Variants in KAT6B observed in about 807,000 individuals in gnomAD.
The protein encoded by KAT6B is lysine acetyltransferase 6B, also known as histone acetyltransferase KAT6B.
KAT6B carries 10 observed loss-of-function variants against 187.5 expected under a neutral mutation model. That is an observed-to-expected ratio of 0.05 (90% CI 0.03 to 0.09). The LOEUF (loss-of-function observed/expected upper bound fraction) is 0.09, where lower values mean the gene tolerates loss of function less well. Among genes scored for constraint, KAT6B ranks in the 10% least tolerant of loss-of-function variants. The probability of loss-of-function intolerance (pLI) is 1.00; values close to 1 mark genes in which losing one functional copy is unlikely to be tolerated. For missense variants in KAT6B, 1,952 were observed against 2,558.9 expected (o/e 0.76, Z 5.12); for synonymous variants, 861 against 926.8 (o/e 0.93, Z 1.29).
intron 13 of KAT6B, among the ~76,000 whole-genome samples, chr10:74,994,297 C>T (rs1233236403): frequency 6.6e-6 from 1 of 152,146 alleles, no homozygotes; most frequent in African/African-American, 2.4e-5. Context: ...CAAATTGTCC[C>T]AGATTTATTT....
intron 3 of KAT6B, among the ~76,000 whole-genome samples, chr10:74,865,154 AAC>A (rs35975205): frequency 0.22 from 33,728 of 152,088 alleles, 6,395 homozygotes; most frequent in African/African-American, 0.51. Context: ...TAGGTGGCCT[AAC>A]ACAGTGCCTA....
rs542076789 is a variant in KAT6B, at chr10:74,954,614, A to G, written c.622-5356A>G. 4.6e-5 allele frequency among the ~76,000 whole-genome samples: 7 copies of G among 152,316 alleles called. No individual in the cohort carries two copies. In the South Asian group the frequency reaches 1.5e-3, roughly 32 times the overall value. On this transcript the variant is annotated intron_variant, in intron 3 of 17. Transcript: ENST00000287239. ...CCCTTTCACCTGGATGAAGACACCC[A>G]GCGAGTCCACCCCAGTCTTTTAAAG...
intron 13 of KAT6B, among the ~76,000 whole-genome samples, chr10:75,005,784 T>A (rs1447026683): frequency 6.6e-6 from 1 of 152,210 alleles, no homozygotes. Flanking sequence ...AAACCTTTTT[T>A]GTAATTATTT....
upstream of KAT6B, among the ~76,000 whole-genome samples, chr10:74,826,053 C>T (rs1340869707): frequency 6.6e-6 from 1 of 151,958 alleles, no homozygotes; most frequent in East Asian, 2.0e-4. Flanking sequence ...CCCGCGCGCG[C>T]CCGCCCGCGC....
chr10:74,966,021 G>T (rs535969808), intron 4 of KAT6B, among the ~76,000 whole-genome samples: 1 of 151,878 alleles, frequency 6.6e-6, no homozygotes, highest in Non-Finnish European at 1.5e-5. Context: ...GAGGATCCAT[G>T]TTCTTATCCA....
chr10:74,828,933 A>G (rs1212940119), intron 1 of KAT6B, among the ~76,000 whole-genome samples: 1 of 152,044 alleles, frequency 6.6e-6, no homozygotes, highest in Non-Finnish European at 1.5e-5. Context: ...TAAGAAGGAA[A>G]GGATAATGCA....
intron 3 of KAT6B, among the ~76,000 whole-genome samples, chr10:74,859,045 T>C (rs1316315642): frequency 2.0e-5 from 3 of 152,110 alleles, no homozygotes; most frequent in Non-Finnish European, 2.9e-5. Context: ...CCTTTGATGA[T>C]ATTTCAAAGA....
chr10:74,961,179 A>T (rs1841071529), intron 4 of KAT6B, among the ~76,000 whole-genome samples: 1 of 152,178 alleles, frequency 6.6e-6, no homozygotes, highest in South Asian at 2.1e-4. Context: ...GGATAGTGAC[A>T]AAAGGGCATG....
At chr10:74,845,682 G>C (rs1842053150) in intron 3 of KAT6B, among the ~76,000 whole-genome samples, 1 of 151,370 alleles carries the variant, frequency 6.6e-6, no homozygotes. Flanking sequence ...ATTTTTTGTA[G>C]AGATGGGGTT....
intron 3 of KAT6B, among the ~76,000 whole-genome samples, chr10:74,952,330 G>C (rs1840373098): frequency 6.6e-6 from 1 of 151,970 alleles, no homozygotes; most frequent in African/African-American, 2.4e-5. Flanking sequence ...TCTCCATCCT[G>C]GGTGACAAAG....
In KAT6B at chr10:75,030,177, C is replaced by G; in HGVS notation, c.5353C>G (p.Pro1785Ala). 1 of 1,614,238 alleles carries G rather than the reference C, an allele frequency of 6.2e-7. No homozygotes were observed. The highest frequency in any genetic ancestry group is 1.1e-5 in the South Asian group (1 of 91,082). Residue 1785 changes from proline (P) to alanine (A), a missense_variant, in exon 18 of 18, where the codon CCC becomes GCC. Around this residue, in one of 9 missense-constraint regions of KAT6B, gnomAD observed 358 missense variants for 436.3 expected, o/e 0.82. Coordinates refer to ENST00000287239, the MANE Select transcript of KAT6B (RefSeq NM_012330.4). The surrounding 1 kb of genome is among the most constrained non-coding windows in gnomAD (Gnocchi z 4.8). ...FTPPMQLAEIPETSNANIGLY... is the reference protein window; with the variant it reads ...FTPPMQLAEIAETSNANIGLY... ...CCCACCCATGCAGCTGGCTGAAATC[C>G]CCGAGACGAGCAACGCCAACATTGG...
At chr10:74,982,833 A>G (rs1466266108) in intron 11 of KAT6B, 2 of 152,278 alleles carry the variant, frequency 1.3e-5, no homozygotes, top group Non-Finnish European at 2.9e-5. Context: ...TCTCTGGAAT[A>G]TAGTTTCACT....
Position 74,877,931 on chromosome 10 carries a change from GA to G in KAT6B, c.621+34464del, listed in dbSNP as rs111871596. Among the ~76,000 whole-genome samples, 964 of 129,810 alleles carry G rather than the reference GA, an allele frequency of 7.4e-3. 18 individuals carry two copies. Among genetic ancestry groups the G allele is most frequent in the Admixed American group, 0.028 (368 of 13,308 alleles). The allele number at this position is 129,810 out of a possible 152,430, so 85.2% of individuals were successfully genotyped here. ...TAAAGGGAAATACCAGATTGTAAAA[GA>G]AAAAAAAAAAGCATGCTGGTTGTAT... On this transcript the variant is annotated intron_variant, in intron 3 of 17. Coordinates refer to ENST00000287239, the MANE Select transcript of KAT6B (RefSeq NM_012330.4).
chr10:74,890,647 A>T (rs1199015473), intron 3 of KAT6B, among the ~76,000 whole-genome samples: 1 of 152,222 alleles, frequency 6.6e-6, no homozygotes, highest in East Asian at 1.9e-4. Flanking sequence ...AGTAGGAAGT[A>T]AAATAGAAAA....
chr10:74,845,351 C>G (rs898052260), intron 3 of KAT6B, among the ~76,000 whole-genome samples: 2 of 151,540 alleles, frequency 1.3e-5, no homozygotes, highest in Non-Finnish European at 2.9e-5. Context: ...GAAACCCCAT[C>G]TCTACTAAAT....
At chr10:75,022,517 G>A (rs1845507507) in intron 16 of KAT6B, among the ~76,000 whole-genome samples, 1 of 152,098 alleles carries the variant, frequency 6.6e-6, no homozygotes, top group Admixed American at 6.5e-5. Context: ...TGAGGTTTAT[G>A]GGAACAAAAA....
chr10:74,959,493 A>G (rs555344559), intron 3 of KAT6B, among the ~76,000 whole-genome samples: 2 of 152,212 alleles, frequency 1.3e-5, no homozygotes, highest in Non-Finnish European at 2.9e-5. Context: ...TTATACTGAA[A>G]TGTATTCAGG....
intron 4 of KAT6B, 147 bp downstream of exon 4, chr10:74,960,225 A>G: frequency 4.3e-6 from 3 of 699,822 alleles, no homozygotes; most frequent in Non-Finnish European, 7.8e-6. Context: ...AAAAGTAAGG[A>G]ATAGAGAAAA....
chr10:74,844,665 C>G (rs1841974694), intron 3 of KAT6B, among the ~76,000 whole-genome samples: 2 of 152,144 alleles, frequency 1.3e-5, no homozygotes, highest in Admixed American at 6.5e-5. Flanking sequence ...TATGTTATTT[C>G]TATAGTATTT....
Sources: gnomAD v4.1 joint callset for allele counts (sites outside exome capture counted in the v4.1 genomes callset) on GRCh38, gnomAD v4.1.1 for gene constraint, gnomAD v4.1.1 regional missense constraint, Gnocchi (gnomAD v3.1) non-coding constraint, MANE v1.5 for transcripts, NCBI Gene and HGNC (gene_info 2026-07-23, HGNC 2026-07-21) for gene names.